Variants in ATF6 observed in about 807,000 individuals in gnomAD.
The protein encoded by ATF6 is cyclic AMP-dependent transcription factor ATF-6 alpha.
A neutral mutation model predicts 83.6 loss-of-function variants in ATF6; 53 were observed. The observed-to-expected ratio is 0.63, with a 90% confidence interval of 0.51 to 0.80. The LOEUF (loss-of-function observed/expected upper bound fraction) is 0.80, where lower values mean the gene tolerates loss of function less well. Ranked by LOEUF, ATF6 falls within the 30% of genes least tolerant of loss-of-function variation. ATF6 has a pLI of 0.00. For synonymous variants in ATF6, 288 were observed against 285.8 expected, an observed-to-expected ratio of 1.01 and a Z score of -0.08; for missense variants, 744 against 797.9, an observed-to-expected ratio of 0.93 and a Z score of 0.81.
At chr1:161,791,589 G>T in intron 5 of ATF6, 52 bp downstream of exon 5, 4 of 1,528,674 alleles carry the variant, frequency 2.6e-6, no homozygotes, top group Non-Finnish European at 3.5e-6. Flanking sequence ...TTGAGCTTAG[G>T]TTCCATTTCT....
chr1:161,947,260 G>A (rs1288373688), intron 15 of ATF6, among the ~76,000 whole-genome samples: 1 of 152,030 alleles, frequency 6.6e-6, no homozygotes, highest in Non-Finnish European at 1.5e-5. Context: ...AGGTGTGGGG[G>A]TCAGTAGATG....
At chr1:161,920,140 A>T (rs929317876) in intron 15 of ATF6, among the ~76,000 whole-genome samples, 25 of 151,974 alleles carry the variant, frequency 1.6e-4, no homozygotes, top group East Asian at 1.2e-3. Context: ...TATTTTTTTT[A>T]AAAAAGTATT....
chr1:161,870,581 A>G (rs1437972267), intron 14 of ATF6, among the ~76,000 whole-genome samples: 1 of 151,822 alleles, frequency 6.6e-6, no homozygotes, highest in African/African-American at 2.4e-5. Flanking sequence ...CTTTGAGATC[A>G]GAAGCATTTG....
At chr1:161,769,954 G>A (rs889555352) in intron 1 of ATF6, among the ~76,000 whole-genome samples, 1 of 152,152 alleles carries the variant, frequency 6.6e-6, no homozygotes, top group African/African-American at 2.4e-5. Context: ...GTTCCCAACA[G>A]GGTTGGGAAC....
chr1:161,815,238 C>A (rs954108385), intron 7 of ATF6, among the ~76,000 whole-genome samples: 1 of 132,530 alleles, frequency 7.5e-6, no homozygotes, highest in Non-Finnish European at 1.5e-5. Context: ...GTCACCCAGG[C>A]TGGAGAACAG....
At chr1:161,780,816 C>T (rs1684619467) in intron 2 of ATF6, among the ~76,000 whole-genome samples, 1 of 152,066 alleles carries the variant, frequency 6.6e-6, no homozygotes, top group Non-Finnish European at 1.5e-5. Context: ...CTCAAGCGAT[C>T]TTCCCACCCC....
intron 9 of ATF6, among the ~76,000 whole-genome samples, chr1:161,835,143 C>G (rs1432956496): frequency 6.6e-6 from 1 of 152,172 alleles, no homozygotes; most frequent in African/African-American, 2.4e-5. Context: ...GATCATGACT[C>G]ACTGCAGTCT....
chr1:161,777,720 T>G (rs1684548873), intron 1 of ATF6, among the ~76,000 whole-genome samples: 1 of 152,244 alleles, frequency 6.6e-6, no homozygotes, highest in African/African-American at 2.4e-5. Flanking sequence ...TGGAATATAG[T>G]TAGATTTGCT....
At chr1:161,801,530 C>G (rs939794466) in intron 6 of ATF6, among the ~76,000 whole-genome samples, 1 of 151,942 alleles carries the variant, frequency 6.6e-6, no homozygotes, top group African/African-American at 2.4e-5. Flanking sequence ...GCTGGCCTCC[C>G]AAAGCACTGG....
intron 14 of ATF6, among the ~76,000 whole-genome samples, chr1:161,867,363 C>G (rs529156881): frequency 2.0e-5 from 3 of 151,800 alleles, no homozygotes; most frequent in Non-Finnish European, 4.4e-5. Flanking sequence ...AATAATATAA[C>G]AAAATTAATT....
intron 9 of ATF6, among the ~76,000 whole-genome samples, chr1:161,839,609 G>A (rs1313492812): frequency 6.6e-6 from 1 of 152,174 alleles, no homozygotes; most frequent in Non-Finnish European, 1.5e-5. Context: ...CTGGGCTGAA[G>A]CAGTCTGCCC....
intron 4 of ATF6, among the ~76,000 whole-genome samples, chr1:161,787,814 A>C (rs1684778115): frequency 1.3e-5 from 2 of 152,186 alleles, no homozygotes; most frequent in African/African-American, 4.8e-5. Flanking sequence ...ACCATTTATC[A>C]AAAAGTTCAT....
At position 161,864,313 on chromosome 1, in the gene ATF6, G is replaced by A. The variant is rs75996976; in HGVS notation, c.1719+1001G>A. Among the ~76,000 whole-genome samples the A allele has an allele frequency of 6.7e-3, 1,013 of 152,146 alleles. 6 individuals carry two copies. Among genetic ancestry groups the A allele is most frequent in the Non-Finnish European group, 0.012 (784 of 67,996 alleles). The stretch of plus-strand genomic sequence containing the variant: ...GGATGCCAAACCCACTTATATGCAG[G>A]GCCAACTTTTCACACATGTAGATTC... On this transcript the variant is annotated intron_variant, in intron 14 of 15. Transcript: ENST00000367942.
At chr1:161,795,148 T>A (rs1684985344) in intron 6 of ATF6, among the ~76,000 whole-genome samples, 1 of 151,686 alleles carries the variant, frequency 6.6e-6, no homozygotes, top group Non-Finnish European at 1.5e-5. Flanking sequence ...AAAAAAAAAA[T>A]GACAGATGTA....
In ATF6 at chr1:161,822,586, T is replaced by C. The variant is rs1314695827; in HGVS notation, c.1187+1425T>C. Among the ~76,000 whole-genome samples the C allele has an allele frequency of 4.6e-5, 7 of 152,232 alleles. No homozygotes were observed. In the East Asian group the frequency reaches 1.3e-3, roughly 29 times the overall value. ...TGAAGATTTTCAAACATATAGGAAA[T>C]TTGAGAAAATAATATGATCAACCCC... On this transcript the variant is annotated intron_variant, in intron 9 of 15. Transcript: ENST00000367942.
chr1:161,900,976 CAT>C (rs1687775758), intron 14 of ATF6, among the ~76,000 whole-genome samples: 1 of 152,002 alleles, frequency 6.6e-6, no homozygotes, highest in South Asian at 2.1e-4. Context: ...GTTATGTAAA[CAT>C]ATGACATATG....
At chr1:161,889,009 A>G (rs1364858964) in intron 14 of ATF6, among the ~76,000 whole-genome samples, 4 of 152,162 alleles carry the variant, frequency 2.6e-5, no homozygotes, top group Non-Finnish European at 5.9e-5. Context: ...TACCACCCAT[A>G]TATAATTCTC....
At chr1:161,805,257 A>G (rs904637695) in intron 7 of ATF6, among the ~76,000 whole-genome samples, 6 of 152,160 alleles carry the variant, frequency 3.9e-5, no homozygotes, top group African/African-American at 1.4e-4. Flanking sequence ...TTTCATTAAA[A>G]ATACTTTAAA....
At chr1:161,783,722 G>A (rs1417576282) in intron 3 of ATF6, among the ~76,000 whole-genome samples, 1 of 151,438 alleles carries the variant, frequency 6.6e-6, no homozygotes, top group East Asian at 1.9e-4. Context: ...CAGAGAATTA[G>A]TGCAGATGCA....
Sources: allele counts gnomAD v4.1 joint callset (sites outside exome capture counted in the v4.1 genomes callset), GRCh38; gene constraint gnomAD v4.1.1; transcripts MANE v1.5; gene names NCBI Gene and HGNC (gene_info 2026-07-23, HGNC 2026-07-21).